The following UBR3 variants were observed in gnomAD, a reference collection of about 807,000 sequenced individuals.
UBR3 encodes ubiquitin protein ligase E3 component n-recognin 3.
Under a neutral mutation model 243.2 loss-of-function variants are expected in UBR3, and 85 were observed. The ratio of observed to expected loss-of-function variants is 0.35; its 90% CI spans 0.29 to 0.42. UBR3 has a LOEUF of 0.42. UBR3 is among the 10% of genes least tolerant of loss of function. The pLI is 1.00. For missense variants in UBR3, 1,686 were observed against 2,300.8 expected, an observed-to-expected ratio of 0.73 and a Z score of 5.47; for synonymous variants, 748 against 799.8, an observed-to-expected ratio of 0.94 and a Z score of 1.09.
chr2:169,899,231 C>T lies in UBR3; in HGVS notation c.1465+2496C>T, dbSNP rs1004662653. Among the ~76,000 whole-genome samples, 11 of 152,198 alleles carry T rather than the reference C, an allele frequency of 7.2e-5. No homozygotes were observed. In the East Asian group the frequency reaches 1.5e-3, roughly 21 times the overall value. On this transcript the variant is annotated intron_variant, in intron 8 of 38. Coordinates refer to ENST00000272793, the MANE Select transcript of UBR3 (RefSeq NM_172070.4). ...CTGACGTCAGGTGATCCACCCACCT[C>T]GGCCTCCCAAAGTGCTGGGATTACA...
chr2:170,029,284 C>A, intron 30 of UBR3, 62 bp from the exon 31 acceptor site: 1 of 1,348,854 alleles, frequency 7.4e-7, no homozygotes. Context: ...GAAATTTTGT[C>A]TGAATTTTGT....
intron 19 of UBR3, among the ~76,000 whole-genome samples, chr2:169,934,182 TTC>T (rs1480573663): frequency 6.6e-6 from 1 of 152,168 alleles, no homozygotes; most frequent in East Asian, 1.9e-4. Flanking sequence ...ATTTGAGTAA[TTC>T]CTGTTGAAAA....
At chr2:169,832,778 A>G (rs893023935) in intron 1 of UBR3, among the ~76,000 whole-genome samples, 1 of 151,646 alleles carries the variant, frequency 6.6e-6, no homozygotes, top group Non-Finnish European at 1.5e-5. Flanking sequence ...TACTAAAAAT[A>G]CAAAATTATC....
intron 1 of UBR3, among the ~76,000 whole-genome samples, chr2:169,840,563 G>C (rs1220020008): frequency 6.6e-6 from 1 of 152,092 alleles, no homozygotes; most frequent in Admixed American, 6.5e-5. Flanking sequence ...GGTTTTGGGG[G>C]CAACCCTGCC....
At chr2:170,076,512 C>T (rs567216891) in intron 36 of UBR3, among the ~76,000 whole-genome samples, 1 of 152,254 alleles carries the variant, frequency 6.6e-6, no homozygotes, top group South Asian at 2.1e-4. Context: ...TCCATTGTTC[C>T]TGTCATTTGT....
intron 26 of UBR3, among the ~76,000 whole-genome samples, chr2:169,999,346 G>A (rs1395989222): frequency 6.6e-6 from 1 of 152,168 alleles, no homozygotes; most frequent in Non-Finnish European, 1.5e-5. Flanking sequence ...TTTGATTTAT[G>A]CAGCTTCACA....
At chr2:169,871,811 A>G (rs1308942552) in intron 1 of UBR3, among the ~76,000 whole-genome samples, 1 of 151,858 alleles carries the variant, frequency 6.6e-6, no homozygotes, top group Non-Finnish European at 1.5e-5. Context: ...AACTTTTAAA[A>G]TAAACTTCAA....
intron 36 of UBR3, among the ~76,000 whole-genome samples, chr2:170,074,425 G>C: frequency 6.6e-6 from 1 of 152,078 alleles, no homozygotes; most frequent in South Asian, 2.1e-4. Context: ...CACCATTGCT[G>C]ATGCCCCATT....
intron 35 of UBR3, among the ~76,000 whole-genome samples, chr2:170,071,273 T>G (rs1427925746): frequency 6.6e-6 from 1 of 152,208 alleles, no homozygotes; most frequent in Non-Finnish European, 1.5e-5. Flanking sequence ...TCTAAATGAA[T>G]GTTCATAATA....
At chr2:169,831,324 G>A (rs1205237453) in intron 1 of UBR3, among the ~76,000 whole-genome samples, 3 of 145,792 alleles carry the variant, frequency 2.1e-5, no homozygotes, top group Non-Finnish European at 4.5e-5. Flanking sequence ...TTTTTCTTGT[G>A]TTTTTAGTAA....
At chr2:169,882,242 G>T (rs1194211922) in intron 5 of UBR3, among the ~76,000 whole-genome samples, 3 of 128,204 alleles carry the variant, frequency 2.3e-5, no homozygotes, top group South Asian at 2.4e-4. Flanking sequence ...TATTTATATT[G>T]TATATGTATA....
intron 27 of UBR3, among the ~76,000 whole-genome samples, 182 bp from the exon 28 acceptor site, chr2:170,006,808 G>A (rs2089928667): frequency 6.6e-6 from 1 of 152,170 alleles, no homozygotes; most frequent in South Asian, 2.1e-4. Flanking sequence ...TAATTGCTAT[G>A]ATGTAAGAAG....
At chr2:170,044,398 C>A (rs16857518) in intron 32 of UBR3, among the ~76,000 whole-genome samples, 9,782 of 152,012 alleles carry the variant, frequency 0.064, 369 homozygotes, top group African/African-American at 0.1. Flanking sequence ...GGTTGAAAGA[C>A]CTTTTTATGC....
In UBR3 at chr2:170,040,867, A is replaced by G; in HGVS notation, c.4557-15A>G. On this transcript the variant is annotated splice_polypyrimidine_tract_variant and intron_variant, in intron 31 of 38. Transcript: ENST00000272793. ...ATATACAATACTATGTAAAGTGACT[A>G]CATTTTTCTTTTAGGCTGGGATATG... is the stretch of plus-strand genomic sequence containing the variant. The G allele has an allele frequency of 1.3e-6, 2 of 1,592,186 alleles. No homozygotes were observed. The highest frequency in any genetic ancestry group is 2.2e-5 in the East Asian group (1 of 44,600).
intron 8 of UBR3, among the ~76,000 whole-genome samples, chr2:169,902,320 G>T (rs1402808367): frequency 6.6e-6 from 1 of 152,036 alleles, no homozygotes; most frequent in Non-Finnish European, 1.5e-5. Context: ...CTCTCCTTCA[G>T]TCACTTTTTA....
chr2:169,851,803 A>G (rs1204056965), intron 1 of UBR3, among the ~76,000 whole-genome samples: 1 of 147,386 alleles, frequency 6.8e-6, no homozygotes, highest in Non-Finnish European at 1.5e-5. Flanking sequence ...GTGCCACTGC[A>G]CTCCAGCCTG....
At chr2:170,072,404 A>G (rs954213329) in intron 35 of UBR3, among the ~76,000 whole-genome samples, 4 of 147,458 alleles carry the variant, frequency 2.7e-5, no homozygotes, top group Non-Finnish European at 5.9e-5. Context: ...GGGGAACATC[A>G]CACTCTGGGG....
intron 1 of UBR3, among the ~76,000 whole-genome samples, chr2:169,867,959 T>C (rs1327889382): frequency 6.6e-6 from 1 of 152,196 alleles, no homozygotes; most frequent in East Asian, 1.9e-4. Flanking sequence ...AGTTTTTTAG[T>C]ATAGAAAATT....
intron 1 of UBR3, among the ~76,000 whole-genome samples, chr2:169,832,710 G>C (rs1484297150): frequency 6.6e-6 from 1 of 152,012 alleles, no homozygotes; most frequent in Non-Finnish European, 1.5e-5. Context: ...CGAGGCAGGC[G>C]GATCACCTTA....
Sources: allele counts gnomAD v4.1 joint callset (sites outside exome capture counted in the v4.1 genomes callset), GRCh38; gene constraint gnomAD v4.1.1; transcripts MANE v1.5; gene names NCBI Gene and HGNC (gene_info 2026-07-23, HGNC 2026-07-21).